Variants in LIMS2 observed in about 807,000 individuals in gnomAD.
LIMS2 encodes LIM zinc finger domain containing 2.
LIMS2 carries 30 observed loss-of-function variants against 45.3 expected under a neutral mutation model. The observed-to-expected ratio is 0.66, with a 90% CI of 0.50 to 0.90. The LOEUF (loss-of-function observed/expected upper bound fraction) is 0.90, where lower values mean the gene tolerates loss of function less well. Among genes scored for constraint, LIMS2 ranks in the 40% least tolerant of loss-of-function variants. LIMS2 has a pLI of 0.00. For synonymous variants in LIMS2, 173 were observed against 188.0 expected, an observed-to-expected ratio of 0.92 and a Z score of 0.65; for missense variants, 485 against 468.7, an observed-to-expected ratio of 1.03 and a Z score of -0.32.
Position 127,675,025 on chromosome 2 carries a change from G to A in LIMS2, c.-1C>T. ...GTGGGGGCCGTTACCTTCCCGTCATGGTGGCAGCGACGCCGAGCCCTGGGT... is the reference window on the plus strand; with the variant it reads ...GTGGGGGCCGTTACCTTCCCGTCATAGTGGCAGCGACGCCGAGCCCTGGGT... On this transcript the variant is annotated 5_prime_UTR_variant, in exon 1 of 10. Coordinates refer to ENST00000355119, the MANE Select transcript of LIMS2 (RefSeq NM_001161403.3). The A allele has an allele frequency of 2.4e-6, 3 of 1,230,120 alleles. No homozygotes were observed. Among genetic ancestry groups the A allele is most frequent in the Non-Finnish European group, 1.0e-6 (1 of 985,676 alleles). 76.2% of individuals were successfully genotyped at this position (1,230,120 alleles called of 1,614,324 possible). A position where few individuals can be genotyped will look rare whatever the true frequency, so the allele number is the denominator to read the frequency against.
At chr2:127,673,801 G>T in intron 1 of LIMS2, 1 of 1,497,610 alleles carries the variant, frequency 6.7e-7, no homozygotes, top group South Asian at 1.2e-5. Context: ...AGGAAAATGG[G>T]AGGCAGCCCC....
Position 127,664,388 on chromosome 2 carries a change from T to C in LIMS2, c.12-6826A>G. 2 of 1,207,412 alleles carry C rather than the reference T, an allele frequency of 1.7e-6. No individual in the cohort carries two copies. Among genetic ancestry groups the C allele is most frequent in the Non-Finnish European group, 1.0e-6 (1 of 972,454 alleles). The allele number at this position is 1,207,412 out of a possible 1,614,324, so 74.8% of individuals were successfully genotyped here. A position where few individuals can be genotyped will look rare whatever the true frequency, so the allele number is the denominator to read the frequency against. On this transcript the variant is annotated intron_variant, in intron 1 of 9. Coordinates refer to ENST00000355119, the MANE Select transcript of LIMS2 (RefSeq NM_001161403.3). This position sits in a 1 kb window ranked among gnomAD's most constrained non-coding sequence, Gnocchi z 5.5. ...GCCAGCGCACCCAGCCGGGCCGCCA[T>C]GGCGCGGGGCAGCCGCCTTGAGGTC...
In LIMS2 at chr2:127,653,881, G is replaced by A. The variant is rs1303635956; in HGVS notation, c.359+543C>T. On this transcript the variant is annotated intron_variant, in intron 4 of 9. Coordinates refer to ENST00000355119, the MANE Select transcript of LIMS2 (RefSeq NM_001161403.3). This position sits in a 1 kb window ranked among gnomAD's most constrained non-coding sequence, Gnocchi z 5.3. Reference sequence around the variant, plus strand: ...AGAGTGGCGTGGAGAAGCAAGCCCTGGAGAAAGTGTGGGGATGAACAGGGC... The same window carrying A: ...AGAGTGGCGTGGAGAAGCAAGCCCTAGAGAAAGTGTGGGGATGAACAGGGC... Among the ~76,000 whole-genome samples, 1 of 152,092 alleles carries A rather than the reference G, an allele frequency of 6.6e-6. No individual in the cohort carries two copies. Among genetic ancestry groups the A allele is most frequent in the Non-Finnish European group, 1.5e-5 (1 of 67,992 alleles).
intron 1 of LIMS2, among the ~76,000 whole-genome samples, chr2:127,660,550 G>A (rs1424729287): frequency 6.6e-6 from 1 of 152,134 alleles, no homozygotes; most frequent in Non-Finnish European, 1.5e-5. Context: ...CAGTGGGAGG[G>A]TCTGAGCCTT....
intron 4 of LIMS2, chr2:127,650,834 G>A (rs1159027724): frequency 5.0e-6 from 8 of 1,613,972 alleles, no homozygotes; most frequent in South Asian, 2.2e-5. Context: ...AGAACATGCT[G>A]TTCGCCTCCT....
At chr2:127,650,186 G>A (rs531514233) in intron 4 of LIMS2, 35 of 1,003,558 alleles carry the variant, frequency 3.5e-5, no homozygotes, top group African/African-American at 4.8e-5. Context: ...AGCAGAAAGC[G>A]GTGACACCCC....
In LIMS2 at chr2:127,656,400, C is replaced by CT. The variant is rs1197628262; in HGVS notation, c.171+1002dup. On this transcript the variant is annotated intron_variant, in intron 2 of 9. Coordinates refer to ENST00000355119, the MANE Select transcript of LIMS2 (RefSeq NM_001161403.3). ...CCTCAGCACAGCGGCCACAAGCCTC[C>CT]TTTTTTTTTTCTTTCTTTTTTTTTT... 2.4e-4 allele frequency among the ~76,000 whole-genome samples: 35 copies of CT among 147,080 alleles called. 1 individual carries two copies. Among genetic ancestry groups the CT allele is most frequent in the South Asian group, 2.2e-3 (10 of 4,540 alleles).
chr2:127,646,786 C>A (rs552633874), intron 4 of LIMS2: 1 of 152,506 alleles, frequency 6.6e-6, no homozygotes, highest in Non-Finnish European at 1.5e-5. Flanking sequence ...CGGTGGCCGT[C>A]TGACCAGTGA....
chr2:127,681,098 C>T (rs546306235), intron 1 of LIMS2, among the ~76,000 whole-genome samples: 121 of 152,298 alleles, frequency 7.9e-4, no homozygotes, highest in African/African-American at 2.7e-3. Flanking sequence ...CCTATCCAAA[C>T]GTGGCCTCGC....
intron 1 of LIMS2, among the ~76,000 whole-genome samples, chr2:127,661,230 T>A: frequency 6.6e-6 from 1 of 152,212 alleles, no homozygotes; most frequent in East Asian, 1.9e-4. Context: ...TGGAGAGAGA[T>A]GCTCGCTTCT....
chr2:127,639,891 G>C (rs1682230468), intron 9 of LIMS2, among the ~76,000 whole-genome samples, 179 bp downstream of exon 9: 2 of 152,132 alleles, frequency 1.3e-5, no homozygotes, highest in Admixed American at 6.5e-5. Flanking sequence ...GGGGTCCCTG[G>C]ATCCCCTAGA....
In LIMS2 at chr2:127,672,100, A is replaced by G. The variant is rs7586693; in HGVS notation, c.11+2914T>C. Among the ~76,000 whole-genome samples the G allele has an allele frequency of 0.47, 71,403 of 152,118 alleles. 17,330 individuals are homozygous for G. The highest frequency in any genetic ancestry group is 0.62 in the Middle Eastern group (183 of 294). Reference sequence around the variant, plus strand: ...ATGTGACACACATGACGGTCACACCATGGGTGGGACTCCACTTTATGCAGC... The same window carrying G: ...ATGTGACACACATGACGGTCACACCGTGGGTGGGACTCCACTTTATGCAGC... On this transcript the variant is annotated intron_variant, in intron 1 of 9. Transcript: ENST00000355119. The surrounding 1 kb of genome is among the most constrained non-coding windows in gnomAD (Gnocchi z 4.9).
chr2:127,659,962 C>T (rs561324236), intron 1 of LIMS2, among the ~76,000 whole-genome samples: 1 of 152,322 alleles, frequency 6.6e-6, no homozygotes, highest in Admixed American at 6.5e-5. Flanking sequence ...TCCTGCCCTG[C>T]TAGCCCAGCT....
At chr2:127,648,064 GC>G in intron 4 of LIMS2, 1 of 985,596 alleles carries the variant, frequency 1.0e-6, no homozygotes, top group Non-Finnish European at 1.2e-6. Context: ...TCAGCTCTCC[GC>G]CCTCACCGTG....
chr2:127,664,052 G>A lies in LIMS2; in HGVS notation c.12-6490C>T, dbSNP rs1684848125. ...CCCCCGTCTGAAAGCAGTGCTGGGGGCTACACAGGCTCCCTCGTCTCTAAC... is the reference window on the plus strand; with the variant it reads ...CCCCCGTCTGAAAGCAGTGCTGGGGACTACACAGGCTCCCTCGTCTCTAAC... On this transcript the variant is annotated intron_variant, in intron 1 of 9. Transcript: ENST00000355119. This position sits in a 1 kb window ranked among gnomAD's most constrained non-coding sequence, Gnocchi z 5.5. 6.6e-6 allele frequency among the ~76,000 whole-genome samples: 1 copy of A among 152,146 alleles called. No homozygotes were observed. The highest frequency in any genetic ancestry group is 2.4e-5 in the African/African-American group (1 of 41,438).
At position 127,653,325 on chromosome 2, in the gene LIMS2, C is replaced by CGCAT. The variant is rs1683992496; in HGVS notation, c.359+1095_359+1098dup. 2.0e-5 allele frequency among the ~76,000 whole-genome samples: 3 copies of CGCAT among 152,166 alleles called. No homozygotes were observed. The highest frequency in any genetic ancestry group is 4.4e-5 in the Non-Finnish European group (3 of 68,044). On this transcript the variant is annotated intron_variant, in intron 4 of 9. Transcript: ENST00000355119. The surrounding 1 kb of genome is among the most constrained non-coding windows in gnomAD (Gnocchi z 5.3). ...CGCTGCCTCTCACTGATACAGGGGA[C>CGCAT]GCATGCAGAGGCAGCCTTGGTGGTC...
upstream of LIMS2, among the ~76,000 whole-genome samples, chr2:127,677,609 AG>A (rs2105352793): frequency 6.6e-6 from 1 of 152,186 alleles, no homozygotes; most frequent in South Asian, 2.1e-4. The surrounding 1 kb of genome is among the most constrained non-coding windows in gnomAD (Gnocchi z 5.0). Context: ...TGGCAGGTGG[AG>A]GGGCACGGGA....
At position 127,647,784 on chromosome 2, in the gene LIMS2, C is replaced by G. The variant is rs1396896209; in HGVS notation, c.360-4712G>C. Among the ~76,000 whole-genome samples, 3 of 152,044 alleles carry G rather than the reference C, an allele frequency of 2.0e-5. No homozygotes were observed. The highest frequency in any genetic ancestry group is 4.4e-5 in the Non-Finnish European group (3 of 67,984). On this transcript the variant is annotated intron_variant, in intron 4 of 9. Transcript: ENST00000355119. The surrounding 1 kb of genome is among the most constrained non-coding windows in gnomAD (Gnocchi z 4.3). ...CCTCTCTGCTTGCCCATGCGTCTGC[C>G]CTGGAGCCCTGTTCCTCCAGTCTCC...
Position 127,639,275 on chromosome 2 carries a change from G to A in LIMS2, c.*6C>T. 1 of 1,612,992 alleles carries A rather than the reference G, an allele frequency of 6.2e-7. No individual in the cohort carries two copies. Among genetic ancestry groups the A allele is most frequent in the Non-Finnish European group, 8.5e-7 (1 of 1,179,528 alleles). The stretch of plus-strand genomic sequence containing the variant: ...GGGGCCGAGAGGCAGCTGCGCAAGA[G>A]GGCCTTCAGGCAGAGTTGAGGTCTG... On this transcript the variant is annotated 3_prime_UTR_variant, in exon 10 of 10. Transcript: ENST00000355119.
Sources: gnomAD v4.1 joint callset for allele counts (sites outside exome capture counted in the v4.1 genomes callset) on GRCh38, gnomAD v4.1.1 for gene constraint, Gnocchi (gnomAD v3.1) non-coding constraint, MANE v1.5 for transcripts, NCBI Gene and HGNC (gene_info 2026-07-23, HGNC 2026-07-21) for gene names.